Variants in WWOX observed in about 807,000 individuals in gnomAD.
WWOX encodes WW domain containing oxidoreductase.
WWOX carries 69 observed loss-of-function variants against 46.2 expected under a neutral mutation model. The ratio of observed to expected loss-of-function variants is 1.49; its 90% CI spans 1.23 to 1.82. The LOEUF (loss-of-function observed/expected upper bound fraction) is 1.82, where lower values mean the gene tolerates loss of function less well. Ranked by LOEUF, WWOX falls within the 40% of genes most tolerant of loss-of-function variation. WWOX has a pLI of 0.00. For synonymous variants in WWOX, 359 were observed against 202.6 expected (o/e 1.77, Z -6.56); for missense variants, 919 against 542.6 (o/e 1.69, Z -6.89).
intron 8 of WWOX, among the ~76,000 whole-genome samples, chr16:78,651,022 G>T (rs1460186361): frequency 6.6e-6 from 1 of 152,216 alleles, no homozygotes; most frequent in Non-Finnish European, 1.5e-5. Context: ...CTTTTCTGCT[G>T]TTGGATTGAT....
chr16:78,667,236 C>A (rs922203195), intron 8 of WWOX, among the ~76,000 whole-genome samples: 1 of 152,178 alleles, frequency 6.6e-6, no homozygotes, highest in Non-Finnish European at 1.5e-5. Flanking sequence ...GGTTTCTGCC[C>A]CTCGTAGCAG....
intron 8 of WWOX, among the ~76,000 whole-genome samples, chr16:79,153,029 G>A (rs201050091): frequency 6.6e-6 from 1 of 152,130 alleles, no homozygotes; most frequent in Non-Finnish European, 1.5e-5. Context: ...AAAAGAGCCG[G>A]GCAAGGAGAC....
chr16:79,047,900 A>G (rs913229666), intron 8 of WWOX, among the ~76,000 whole-genome samples: 9 of 151,984 alleles, frequency 5.9e-5, no homozygotes, highest in Non-Finnish European at 1.3e-4. Context: ...CAGACTCTGC[A>G]TTTTGAACCA....
At chr16:78,951,017 G>A (rs989508258) in intron 8 of WWOX, among the ~76,000 whole-genome samples, 1 of 152,112 alleles carries the variant, frequency 6.6e-6, no homozygotes. Context: ...TTCATCTCAG[G>A]CCAGACATTG....
intron 8 of WWOX, among the ~76,000 whole-genome samples, chr16:78,520,936 C>T (rs763963786): frequency 1.3e-5 from 2 of 152,118 alleles, no homozygotes; most frequent in African/African-American, 2.4e-5. Context: ...TCAAAATAGA[C>T]AGTGGCGTGC....
At chr16:78,396,560 C>T (rs759527448) in intron 6 of WWOX, among the ~76,000 whole-genome samples, 3 of 152,158 alleles carry the variant, frequency 2.0e-5, no homozygotes, top group African/African-American at 4.8e-5. Context: ...CCAGGGTTGT[C>T]TTTTCCCACT....
intron 5 of WWOX, among the ~76,000 whole-genome samples, chr16:78,330,412 T>C (rs77263383): frequency 0.02 from 3,050 of 151,950 alleles, 42 homozygotes; most frequent in Middle Eastern, 0.038. Flanking sequence ...TTTTTTTTTT[T>C]CCCCTGAGAA....
At chr16:78,315,532 C>T (rs1028330938) in intron 5 of WWOX, among the ~76,000 whole-genome samples, 1 of 152,118 alleles carries the variant, frequency 6.6e-6, no homozygotes, top group Non-Finnish European at 1.5e-5. Context: ...CAGCTGTAAT[C>T]CCAGCTGCTC....
chr16:78,126,469 G>A (rs769609532), intron 4 of WWOX, among the ~76,000 whole-genome samples: 4 of 151,976 alleles, frequency 2.6e-5, no homozygotes, highest in Non-Finnish European at 5.9e-5. Flanking sequence ...TTCTTATGTC[G>A]GGCCATTTGT....
chr16:79,056,824 A>T (rs2048271462), intron 8 of WWOX, among the ~76,000 whole-genome samples: 1 of 152,238 alleles, frequency 6.6e-6, no homozygotes, highest in South Asian at 2.1e-4. Flanking sequence ...AAGGACAAAT[A>T]TCTGCTTCTT....
intron 4 of WWOX, among the ~76,000 whole-genome samples, chr16:78,127,635 C>T (rs1463209166): frequency 6.6e-6 from 1 of 151,636 alleles, no homozygotes; most frequent in Non-Finnish European, 1.5e-5. Flanking sequence ...ACCGTTATAC[C>T]ATGCATCATG....
intron 5 of WWOX, among the ~76,000 whole-genome samples, chr16:78,192,112 A>G (rs1452134450): frequency 6.6e-6 from 1 of 152,154 alleles, no homozygotes. Flanking sequence ...GATCATTCAT[A>G]CCCCAAACCT....
chr16:78,950,533 T>TACAC (rs141591649), intron 8 of WWOX, among the ~76,000 whole-genome samples: 32,287 of 146,864 alleles, frequency 0.22, 3,794 homozygotes, highest in Non-Finnish European at 0.28. Context: ...CACACACACA[T>TACAC]ACACACACAC....
At chr16:79,163,489 A>G (rs563259418) in intron 8 of WWOX, among the ~76,000 whole-genome samples, 13 of 152,272 alleles carry the variant, frequency 8.5e-5, no homozygotes, top group South Asian at 4.1e-4. Context: ...TCAGTAATCA[A>G]TGCATATTCA....
chr16:78,788,328 T>C (rs2050507346), intron 8 of WWOX, among the ~76,000 whole-genome samples: 2 of 152,210 alleles, frequency 1.3e-5, no homozygotes, highest in Admixed American at 1.3e-4. Flanking sequence ...ATATTGCCTG[T>C]GTTAGGCATC....
At chr16:78,919,444 A>G (rs1597150714) in intron 8 of WWOX, among the ~76,000 whole-genome samples, 1 of 151,834 alleles carries the variant, frequency 6.6e-6, no homozygotes, top group Non-Finnish European at 1.5e-5. Flanking sequence ...CATCACTTAG[A>G]ATGCCATCAC....
intron 8 of WWOX, among the ~76,000 whole-genome samples, chr16:78,656,521 G>A (rs933712629): frequency 1.3e-5 from 2 of 152,172 alleles, no homozygotes; most frequent in Admixed American, 6.5e-5. Context: ...TGGAGTAGGA[G>A]GCAAGGAGCG....
chr16:78,851,044 A>G (rs1308696112), intron 8 of WWOX, among the ~76,000 whole-genome samples: 1 of 152,148 alleles, frequency 6.6e-6, no homozygotes, highest in East Asian at 1.9e-4. Context: ...CATGTGAGTT[A>G]TTTGAAAGAG....
intron 8 of WWOX, among the ~76,000 whole-genome samples, chr16:78,745,303 T>G (rs899049280): frequency 2.2e-4 from 34 of 152,308 alleles, no homozygotes; most frequent in Admixed American, 1.6e-3. Flanking sequence ...CTTCCCCGCC[T>G]TCCTCCACCT....
Sources: gnomAD v4.1 joint callset for allele counts (sites outside exome capture counted in the v4.1 genomes callset) on GRCh38, gnomAD v4.1.1 for gene constraint, MANE v1.5 for transcripts, NCBI Gene and HGNC (gene_info 2026-07-23, HGNC 2026-07-21) for gene names.